WNT7B: variants seen among roughly 807,000 people sequenced by gnomAD.
WNT7B encodes the protein protein Wnt-7b.
Under a neutral mutation model 38.2 loss-of-function variants are expected in WNT7B, and 19 were observed. That is an observed-to-expected ratio of 0.50 (90% confidence interval 0.35 to 0.73). WNT7B has a LOEUF of 0.73. Among genes scored for constraint, WNT7B ranks in the 30% least tolerant of loss-of-function variants. The probability of loss-of-function intolerance (pLI) is 0.01; values close to 1 mark genes in which losing one functional copy is unlikely to be tolerated. For missense variants in WNT7B, 423 were observed against 507.9 expected, an observed-to-expected ratio of 0.83 and a Z score of 1.61; for synonymous variants, 243 against 209.3, an observed-to-expected ratio of 1.16 and a Z score of -1.39.
At chr22:45,936,105 T>G in intron 2 of WNT7B, 1 of 985,380 alleles carries the variant, frequency 1.0e-6, no homozygotes, top group Non-Finnish European at 1.2e-6. Flanking sequence ...TCAAGAGCAC[T>G]GGGTGGGTTT....
At chr22:45,929,868 CCATCCAACCATCTACCCACT>C (rs1569111491) in intron 3 of WNT7B, among the ~76,000 whole-genome samples, 1 of 108,122 alleles carries the variant, frequency 9.2e-6, no homozygotes, top group African/African-American at 3.8e-5. Context: ...TTCCATCCAT[CCATCCAACCATCTACCCACT>C]CATCCACTCA....
At position 45,951,117 on chromosome 22, in the gene WNT7B, G is replaced by A. The variant is rs908778640; in HGVS notation, c.72-971C>T. On this transcript the variant is annotated intron_variant, in intron 1 of 3. Coordinates refer to ENST00000339464, the MANE Select transcript of WNT7B (RefSeq NM_058238.3). The surrounding 1 kb of genome is among the most constrained non-coding windows in gnomAD (Gnocchi z 4.8). Reference sequence around the variant, plus strand: ...CAGAGTTTCGGAGTCTCACTCTGTCGCGCAGGCTGGAGTGCAGTGGTGTGA... The same window carrying A: ...CAGAGTTTCGGAGTCTCACTCTGTCACGCAGGCTGGAGTGCAGTGGTGTGA... Among the ~76,000 whole-genome samples, 10 of 152,142 alleles carry A rather than the reference G, an allele frequency of 6.6e-5. No homozygotes were observed. The highest frequency in any genetic ancestry group is 1.5e-4 in the Non-Finnish European group (10 of 68,018).
At chr22:45,950,523 C>T (rs1251091465) in intron 1 of WNT7B, among the ~76,000 whole-genome samples, 2 of 152,252 alleles carry the variant, frequency 1.3e-5, no homozygotes, top group Non-Finnish European at 2.9e-5. Context: ...ACTGTCTGCG[C>T]TGTCTCTAAG....
At chr22:45,972,116 G>GGGGGCCCCCCCC (rs1283205696) in intron 1 of WNT7B, 29 of 530,682 alleles carry the variant, frequency 5.5e-5, no homozygotes, top group East Asian at 1.5e-4. Flanking sequence ...CCCGGGGGGA[G>GGGGGCCCCCCCC]CCCACCCGCC....
intron 2 of WNT7B, among the ~76,000 whole-genome samples, chr22:45,947,348 A>G (rs973656462): frequency 6.6e-6 from 1 of 152,226 alleles, no homozygotes; most frequent in African/African-American, 2.4e-5. Flanking sequence ...GGCAGGAGGC[A>G]GTGACAGCTG....
rs1425933362 is a variant in WNT7B at position 45,965,278 on chromosome 22, C to A, written c.71+11406G>T. 1.3e-5 allele frequency among the ~76,000 whole-genome samples: 2 copies of A among 152,210 alleles called. No homozygotes were observed. The highest frequency in any genetic ancestry group is 1.3e-4 in the Admixed American group (2 of 15,272). ...GAGGTCTTCCCTGGGCCACCCTCAT[C>A]ACAGATGGCTTAGAGCTCCTGCTGT... On this transcript the variant is annotated intron_variant, in intron 1 of 3. Coordinates refer to ENST00000339464, the MANE Select transcript of WNT7B (RefSeq NM_058238.3). This position sits in a 1 kb window ranked among gnomAD's most constrained non-coding sequence, Gnocchi z 6.5.
At chr22:45,938,748 C>T (rs532713794) in intron 2 of WNT7B, among the ~76,000 whole-genome samples, 22 of 152,120 alleles carry the variant, frequency 1.4e-4, no homozygotes, top group Non-Finnish European at 2.4e-4. Context: ...TATTTCAGAA[C>T]AGCCAGAAGA....
At chr22:45,942,837 G>T (rs781572014) in intron 2 of WNT7B, among the ~76,000 whole-genome samples, 19 of 152,062 alleles carry the variant, frequency 1.2e-4, no homozygotes, top group Non-Finnish European at 1.8e-4. Flanking sequence ...CCTGGCCTGG[G>T]TGCAGCCTGA....
At chr22:45,928,594 G>A (rs968916320) in intron 3 of WNT7B, among the ~76,000 whole-genome samples, 1 of 138,714 alleles carries the variant, frequency 7.2e-6, no homozygotes, top group Non-Finnish European at 1.6e-5. Flanking sequence ...CTGCCCACCC[G>A]TGGGGACCAT....
intron 2 of WNT7B, among the ~76,000 whole-genome samples, chr22:45,937,042 G>A (rs1378797516): frequency 6.6e-6 from 1 of 152,188 alleles, no homozygotes; most frequent in Non-Finnish European, 1.5e-5. Flanking sequence ...CACGGAGGAG[G>A]AGGTGGGAGA....
intron 3 of WNT7B, 69 bp from the exon 4 acceptor site, chr22:45,923,404 C>T: frequency 1.3e-6 from 2 of 1,526,246 alleles, no homozygotes; most frequent in Non-Finnish European, 1.8e-6. Context: ...TCCCCTACCC[C>T]TGCCTCTAGC....
At chr22:45,938,211 C>G (rs542547024) in intron 2 of WNT7B, among the ~76,000 whole-genome samples, 19 of 152,244 alleles carry the variant, frequency 1.2e-4, no homozygotes, top group African/African-American at 4.1e-4. Context: ...AAGCCAGGCA[C>G]AGAGAGACAA....
intron 2 of WNT7B, among the ~76,000 whole-genome samples, chr22:45,946,778 C>G (rs1167688465): frequency 6.6e-6 from 1 of 152,224 alleles, no homozygotes; most frequent in Non-Finnish European, 1.5e-5. Context: ...GCCCCATCCC[C>G]AGAGGCATAC....
chr22:45,929,576 CCATACTTCCATCCATT>C (rs1195357565), intron 3 of WNT7B, among the ~76,000 whole-genome samples: 1 of 148,166 alleles, frequency 6.7e-6, no homozygotes, highest in African/African-American at 2.5e-5. Context: ...CCTCATTCAT[CCATACTTCCATCCATT>C]CATGCATCCA....
rs538157212 is a variant in WNT7B at position 45,926,883 on chromosome 22, C to T, written c.571-3548G>A. 3.0e-4 allele frequency: 293 copies of T among 985,428 alleles called. No individual in the cohort carries two copies. The South Asian group carries it at 3.5e-3, about 12-fold the overall frequency. The allele number at this position is 985,428 out of a possible 1,614,324, so 61.0% of individuals were successfully genotyped here. A position where few individuals can be genotyped will look rare whatever the true frequency, so the allele number is the denominator to read the frequency against. ...CCAGGATCCGGCGCTCCCATTAGGA[C>T]GGTGTGAACAATGCGCCCACCCAGC... On this transcript the variant is annotated intron_variant, in intron 3 of 3. Transcript: ENST00000339464.
chr22:45,965,329 G>A lies in WNT7B; in HGVS notation c.71+11355C>T, dbSNP rs376027181. ...GGGTCCCACAGGGCTTTGTGTCAAC[G>A]ACGCTGGAAGGCAGGGCGGTAGGGA... On this transcript the variant is annotated intron_variant, in intron 1 of 3. Coordinates refer to ENST00000339464, the MANE Select transcript of WNT7B (RefSeq NM_058238.3). This position sits in a 1 kb window ranked among gnomAD's most constrained non-coding sequence, Gnocchi z 6.5. Among the ~76,000 whole-genome samples the A allele has an allele frequency of 9.9e-5, 15 of 152,164 alleles. No individual in the cohort carries two copies. The highest frequency in any genetic ancestry group is 1.9e-4 in the East Asian group (1 of 5,178).
At chr22:45,942,494 C>T (rs551441866) in intron 2 of WNT7B, among the ~76,000 whole-genome samples, 5 of 152,340 alleles carry the variant, frequency 3.3e-5, no homozygotes, top group Admixed American at 6.5e-5. Context: ...AGCCTCCAGG[C>T]CACGGCTTGG....
At chr22:45,937,618 T>G (rs1201589638) in intron 2 of WNT7B, among the ~76,000 whole-genome samples, 3 of 152,226 alleles carry the variant, frequency 2.0e-5, no homozygotes, top group African/African-American at 7.2e-5. Flanking sequence ...TTGGAGGCAG[T>G]GCCCGCCAGC....
chr22:45,936,122 A>T, intron 2 of WNT7B: 1 of 985,432 alleles, frequency 1.0e-6, no homozygotes, highest in Non-Finnish European at 1.2e-6. Flanking sequence ...GTTTCTGAGT[A>T]ATGGTCCTGA....
Sources: allele counts gnomAD v4.1 joint callset (sites outside exome capture counted in the v4.1 genomes callset), GRCh38; gene constraint gnomAD v4.1.1; non-coding constraint Gnocchi (gnomAD v3.1); transcripts MANE v1.5; gene names NCBI Gene and HGNC (gene_info 2026-07-23, HGNC 2026-07-21).